Variants in ZBTB44 observed in about 807,000 individuals in gnomAD.
The protein encoded by ZBTB44 is zinc finger and BTB domain containing 44.
In ZBTB44, 15 loss-of-function variants were observed where a neutral mutation model predicts 54.0. The ratio of observed to expected loss-of-function variants is 0.28; its 90% CI spans 0.19 to 0.43. The LOEUF is 0.43. Ranked by LOEUF, ZBTB44 falls within the 20% of genes least tolerant of loss-of-function variation. The pLI, the probability that ZBTB44 is intolerant of heterozygous loss-of-function variation, is 1.00. For missense variants in ZBTB44, 487 were observed against 707.1 expected, an observed-to-expected ratio of 0.69 and a Z score of 3.53; for synonymous variants, 230 against 250.1, an observed-to-expected ratio of 0.92 and a Z score of 0.76.
At chr11:130,256,568 C>G (rs1001863675) in intron 2 of ZBTB44, among the ~76,000 whole-genome samples, 2 of 151,972 alleles carry the variant, frequency 1.3e-5, no homozygotes, top group African/African-American at 4.8e-5. Context: ...CCCAGCTACT[C>G]AGGAGGCTGA....
At chr11:130,247,816 G>C (rs566116757) in intron 2 of ZBTB44, among the ~76,000 whole-genome samples, 1 of 152,348 alleles carries the variant, frequency 6.6e-6, no homozygotes, top group South Asian at 2.1e-4. Flanking sequence ...AATATTTACA[G>C]TGGTTTGCCT....
At chr11:130,249,547 A>T (rs550945013) in intron 2 of ZBTB44, among the ~76,000 whole-genome samples, 1 of 152,322 alleles carries the variant, frequency 6.6e-6, no homozygotes, top group South Asian at 2.1e-4. Flanking sequence ...TGCAGCTCCC[A>T]GTGAGACCAA....
intron 1 of ZBTB44, among the ~76,000 whole-genome samples, chr11:130,281,143 T>C (rs1456891193): frequency 6.6e-6 from 1 of 152,202 alleles, no homozygotes; most frequent in Non-Finnish European, 1.5e-5. Context: ...GTAGTGCTTA[T>C]AGGGAAATTC....
rs537608276 is a variant in ZBTB44 at position 130,233,247 on chromosome 11, C to G, written c.*48+61G>C. On this transcript the variant is annotated intron_variant, in intron 7 of 7. Coordinates refer to ENST00000357899, the MANE Select transcript of ZBTB44 (RefSeq NM_001301098.2). ...GCATTACATTCGGAGACCAGGTAAA[C>G]AGCAATTTTAATCTGAAAAGCAGTA... is the stretch of plus-strand genomic sequence containing the variant. The G allele has an allele frequency of 3.4e-6, 5 of 1,490,140 alleles. No individual in the cohort carries two copies. The East Asian group carries it at 1.2e-4, about 37-fold the overall frequency. 92.3% of individuals were successfully genotyped at this position (1,490,140 alleles called of 1,614,324 possible).
rs1953767635 is a variant in ZBTB44, at chr11:130,228,637, A to C, written c.*3127T>G. 6.6e-6 allele frequency: 1 copy of C among 152,226 alleles called. No homozygotes were observed. The highest frequency in any genetic ancestry group is 1.5e-5 in the Non-Finnish European group (1 of 68,034). 9.4% of individuals were successfully genotyped at this position (152,226 alleles called of 1,614,324 possible). ...ATGACAGGGCTCCCTTAAAGCAGGA[A>C]GATTTATCCTTCCTCAGCAGGTGAT... On this transcript the variant is annotated 3_prime_UTR_variant, in exon 8 of 8. Coordinates refer to ENST00000357899, the MANE Select transcript of ZBTB44 (RefSeq NM_001301098.2).
intron 2 of ZBTB44, among the ~76,000 whole-genome samples, chr11:130,241,469 T>C (rs1208834994): frequency 6.6e-6 from 1 of 152,230 alleles, no homozygotes; most frequent in East Asian, 1.9e-4. Context: ...GTGGTTTGAA[T>C]TGCATTTCCC....
chr11:130,258,455 C>T (rs2136415511), intron 2 of ZBTB44, among the ~76,000 whole-genome samples: 1 of 152,264 alleles, frequency 6.6e-6, no homozygotes, highest in South Asian at 2.1e-4. Context: ...ATGTCAATAA[C>T]AGTTTTCCTA....
At chr11:130,258,165 G>C (rs766405385) in intron 2 of ZBTB44, among the ~76,000 whole-genome samples, 1 of 152,176 alleles carries the variant, frequency 6.6e-6, no homozygotes, top group Non-Finnish European at 1.5e-5. Context: ...ACTGCCAACT[G>C]TAAGACATAT....
intron 1 of ZBTB44, among the ~76,000 whole-genome samples, chr11:130,312,641 C>T (rs563339832): frequency 5.3e-5 from 8 of 152,236 alleles, no homozygotes; most frequent in Non-Finnish European, 1.0e-4. Context: ...AATATTCATC[C>T]TATTTAATTT....
intron 2 of ZBTB44, among the ~76,000 whole-genome samples, chr11:130,245,061 T>C (rs1377637026): frequency 1.3e-5 from 2 of 152,200 alleles, no homozygotes; most frequent in South Asian, 2.1e-4. Flanking sequence ...TACTATACAG[T>C]GTTCTAATAC....
Position 130,227,415 on chromosome 11 carries a change from ATCTATGTAATTTAATTCACATTTTCTC to A in ZBTB44, c.*4322_*4348del, listed in dbSNP as rs1024234422. The A allele has an allele frequency of 1.3e-5, 2 of 152,172 alleles. No homozygotes were observed. The highest frequency in any genetic ancestry group is 2.4e-5 in the African/African-American group (1 of 41,432). The allele number at this position is 152,172 out of a possible 1,614,324, so 9.4% of individuals were successfully genotyped here. A position where few individuals can be genotyped will look rare whatever the true frequency, so the allele number is the denominator to read the frequency against. On this transcript the variant is annotated 3_prime_UTR_variant, in exon 8 of 8. Coordinates refer to ENST00000357899, the MANE Select transcript of ZBTB44 (RefSeq NM_001301098.2). ...AGGGGTAGAAGACATAAAAACACCCATCTATGTAATTTAATTCACATTTTCTCCCCTGCATCACCTTCCCTTGAGAGT... is the reference window on the plus strand; with the variant it reads ...AGGGGTAGAAGACATAAAAACACCCACCCTGCATCACCTTCCCTTGAGAGT...
At chr11:130,240,883 C>G (rs926606087) in intron 2 of ZBTB44, among the ~76,000 whole-genome samples, 1 of 152,176 alleles carries the variant, frequency 6.6e-6, no homozygotes, top group African/African-American at 2.4e-5. Flanking sequence ...GTGACAGAGA[C>G]CATGTGGCAG....
At position 130,231,538 on chromosome 11, in the gene ZBTB44, T is replaced by C. The variant is rs1380641170; in HGVS notation, c.*226A>G. On this transcript the variant is annotated 3_prime_UTR_variant, in exon 8 of 8. Coordinates refer to ENST00000357899, the MANE Select transcript of ZBTB44 (RefSeq NM_001301098.2). ...ATTCTGAGAACACAGTCAGAATATCTTGGAGCTACCAACATTGTGCTTGGC... is the reference window on the plus strand; with the variant it reads ...ATTCTGAGAACACAGTCAGAATATCCTGGAGCTACCAACATTGTGCTTGGC... 1.3e-5 allele frequency: 2 copies of C among 152,172 alleles called. No individual in the cohort carries two copies. Among genetic ancestry groups the C allele is most frequent in the Non-Finnish European group, 2.9e-5 (2 of 68,010 alleles). 9.4% of individuals were successfully genotyped at this position (152,172 alleles called of 1,614,324 possible). A position where few individuals can be genotyped will look rare whatever the true frequency, so the allele number is the denominator to read the frequency against.
intron 1 of ZBTB44, among the ~76,000 whole-genome samples, chr11:130,304,115 T>C (rs1387412483): frequency 2.0e-5 from 3 of 152,224 alleles, no homozygotes; most frequent in Non-Finnish European, 4.4e-5. Context: ...TTAAATCCTA[T>C]GGCTTGGAAT....
chr11:130,307,241 G>A (rs1942321214), intron 1 of ZBTB44, among the ~76,000 whole-genome samples: 3 of 151,940 alleles, frequency 2.0e-5, no homozygotes, highest in South Asian at 2.1e-4. Context: ...TGGCTAACAC[G>A]GTGAAACCCC....
At position 130,259,591 on chromosome 11, in the gene ZBTB44, G is replaced by A. The variant is rs556626476; in HGVS notation, c.1018+1265C>T. Among the ~76,000 whole-genome samples the A allele has an allele frequency of 1.2e-4, 18 of 152,222 alleles. No individual in the cohort carries two copies. In the East Asian group the frequency reaches 3.5e-3, roughly 29 times the overall value. ...ATAATAGATTGGATAAAGAAAATGT[G>A]GCACATGTACACCATGAAATACTAT... On this transcript the variant is annotated intron_variant, in intron 2 of 7. Transcript: ENST00000357899.
At chr11:130,246,315 G>A (rs1954647464) in intron 2 of ZBTB44, among the ~76,000 whole-genome samples, 2 of 151,836 alleles carry the variant, frequency 1.3e-5, no homozygotes, top group Admixed American at 1.3e-4. Context: ...ACATATATAT[G>A]CACAATATTA....
At chr11:130,309,178 T>C (rs1320730054) in intron 1 of ZBTB44, among the ~76,000 whole-genome samples, 1 of 152,214 alleles carries the variant, frequency 6.6e-6, no homozygotes, top group Non-Finnish European at 1.5e-5. Context: ...AGTCAGCTTC[T>C]CTCTTGCTGA....
intron 2 of ZBTB44, among the ~76,000 whole-genome samples, chr11:130,241,870 C>A (rs973293724): frequency 3.3e-5 from 5 of 152,164 alleles, no homozygotes; most frequent in Non-Finnish European, 7.3e-5. Context: ...AAAGGTCTGC[C>A]TTCTCTGCTC....
Sources: gnomAD v4.1 joint callset for allele counts (sites outside exome capture counted in the v4.1 genomes callset) on GRCh38, gnomAD v4.1.1 for gene constraint, MANE v1.5 for transcripts, NCBI Gene and HGNC (gene_info 2026-07-23, HGNC 2026-07-21) for gene names.